IPP: variants seen among roughly 807,000 people sequenced by gnomAD.
IPP encodes intracisternal A particle-promoted polypeptide.
Under a neutral mutation model 64.1 loss-of-function variants are expected in IPP, and 41 were observed. The observed-to-expected ratio is 0.64, with a 90% CI of 0.50 to 0.83. The LOEUF (loss-of-function observed/expected upper bound fraction) is 0.83. IPP is among the 40% of genes least tolerant of loss of function. IPP has a pLI of 0.00. For synonymous variants in IPP, 214 were observed against 235.2 expected, an observed-to-expected ratio of 0.91 and a Z score of 0.83; for missense variants, 649 against 703.0, an observed-to-expected ratio of 0.92 and a Z score of 0.87.
At chr1:45,709,532 A>G (rs143751571) in intron 8 of IPP, among the ~76,000 whole-genome samples, 7 of 151,434 alleles carry the variant, frequency 4.6e-5, no homozygotes, top group Non-Finnish European at 1.0e-4. Context: ...TAGAAATAGT[A>G]AACATATGGG....
chr1:45,712,425 T>C (rs1356811123), intron 8 of IPP, among the ~76,000 whole-genome samples: 2 of 151,860 alleles, frequency 1.3e-5, no homozygotes, highest in African/African-American at 4.8e-5. Context: ...ATACAAAATA[T>C]GTTTTCTGAT....
At chr1:45,700,256 A>C in intron 8 of IPP, 66 bp from the exon 9 acceptor site, 1 of 1,533,536 alleles carries the variant, frequency 6.5e-7, no homozygotes, top group East Asian at 2.3e-5. Flanking sequence ...AAATCCACTG[A>C]GAAATTCGAT....
intron 5 of IPP, among the ~76,000 whole-genome samples, chr1:45,722,398 A>C (rs1206581823): frequency 2.0e-5 from 3 of 151,660 alleles, no homozygotes; most frequent in African/African-American, 7.3e-5. Flanking sequence ...TAAAAATACA[A>C]AAATTAGCCA....
intron 8 of IPP, among the ~76,000 whole-genome samples, chr1:45,708,758 G>A (rs1010837956): frequency 4.7e-5 from 7 of 149,386 alleles, no homozygotes; most frequent in East Asian, 2.0e-4. Flanking sequence ...GAGTCTGAAC[G>A]CGGTGGCTCA....
chr1:45,737,042 C>CAAAAAAAA (rs367755391), intron 3 of IPP, among the ~76,000 whole-genome samples: 1 of 112,758 alleles, frequency 8.9e-6, no homozygotes, highest in Non-Finnish European at 1.7e-5. Context: ...GACTCCATCT[C>CAAAAAAAA]AAAAAAAAAA....
In IPP at chr1:45,719,289, G is replaced by A. The variant is rs1308028296; in HGVS notation, c.1100C>T (p.Thr367Ile). Residue 367 changes from threonine (T) to isoleucine (I), a missense_variant, in exon 6 of 9, where the codon ACT (threonine) becomes ATT (isoleucine). Physicochemically the swap from Thr to Ile is moderately conservative, Grantham distance 89. Transcript: ENST00000396478. ...FDCTECYDPVTKQWTTVASMN... is the reference protein window; with the variant it reads ...FDCTECYDPVIKQWTTVASMN... ...CGAAGCTACAGTTGTCCACTGTTTAGTAACTGGATCATAGCATTCAGTACA... is the reference window on the plus strand; with the variant it reads ...CGAAGCTACAGTTGTCCACTGTTTAATAACTGGATCATAGCATTCAGTACA... The A allele has an allele frequency of 6.2e-7, 1 of 1,611,868 alleles. No homozygotes were observed. The highest frequency in any genetic ancestry group is 8.5e-7 in the Non-Finnish European group (1 of 1,178,284).
chr1:45,708,147 C>A (rs939042984), intron 8 of IPP, among the ~76,000 whole-genome samples: 1 of 151,374 alleles, frequency 6.6e-6, no homozygotes, highest in African/African-American at 2.4e-5. Context: ...TCACTGCAAG[C>A]TCCACCTCCC....
At chr1:45,733,811 G>A (rs1645942399) in intron 3 of IPP, among the ~76,000 whole-genome samples, 1 of 150,886 alleles carries the variant, frequency 6.6e-6, no homozygotes, top group Non-Finnish European at 1.5e-5. Context: ...CAGCCTGGGA[G>A]ACAGAGTAAG....
chr1:45,734,731 T>A (rs1473586949), intron 3 of IPP, among the ~76,000 whole-genome samples: 1 of 152,126 alleles, frequency 6.6e-6, no homozygotes, highest in East Asian at 1.9e-4. Flanking sequence ...GCAATTCTCC[T>A]GCCTCAGCTT....
Position 45,719,333 on chromosome 1 carries a change from C to T in IPP, c.1056G>A (p.Lys352=), listed in dbSNP as rs1645701902. The part of the protein sequence containing the change: ...GGMVYAIGGE[K]DSMIFDCTEC... ...CAGTACAATCAAAAATCATTGAATCCTTTTCACCTGAGTTAAATAAAAGAG... is the reference window on the plus strand; with the variant it reads ...CAGTACAATCAAAAATCATTGAATCTTTTTCACCTGAGTTAAATAAAAGAG... The change falls in exon 6 of 9, where the codon AAG becomes AAA. Residue 352 remains lysine, a synonymous_variant. Coordinates refer to ENST00000396478, the MANE Select transcript of IPP (RefSeq NM_005897.3). 1 of 1,590,754 alleles carries T rather than the reference C, an allele frequency of 6.3e-7. No individual in the cohort carries two copies. The highest frequency in any genetic ancestry group is 1.8e-5 in the Admixed American group (1 of 55,582).
At chr1:45,744,204 T>G (rs560823759) in intron 2 of IPP, among the ~76,000 whole-genome samples, 2 of 152,276 alleles carry the variant, frequency 1.3e-5, no homozygotes, top group East Asian at 3.9e-4. Context: ...CAGGCTGGAG[T>G]GCAGTAGCAT....
At chr1:45,706,864 C>T (rs1360385336) in intron 8 of IPP, among the ~76,000 whole-genome samples, 1 of 152,176 alleles carries the variant, frequency 6.6e-6, no homozygotes, top group Non-Finnish European at 1.5e-5. Flanking sequence ...TACTCAGCAG[C>T]ATAATATTTA....
In IPP at chr1:45,702,769, A is replaced by G. The variant is rs140231418; in HGVS notation, c.1531-2579T>C. Among the ~76,000 whole-genome samples, 887 of 152,210 alleles carry G rather than the reference A, an allele frequency of 5.8e-3. 5 individuals carry two copies. The highest frequency in any genetic ancestry group is 0.021 in the South Asian group (103 of 4,816). On this transcript the variant is annotated intron_variant, in intron 8 of 8. Transcript: ENST00000396478. Reference sequence around the variant, plus strand: ...TGCACCCGACCATTAACAATTATTGATAAGACTTAATTTGAAACTAAAATC... The same window carrying G: ...TGCACCCGACCATTAACAATTATTGGTAAGACTTAATTTGAAACTAAAATC...
chr1:45,708,046 G>C (rs570442566), intron 8 of IPP, among the ~76,000 whole-genome samples: 1 of 151,668 alleles, frequency 6.6e-6, no homozygotes, highest in Non-Finnish European at 1.5e-5. Flanking sequence ...ACATCTTCAG[G>C]GTGATTATTT....
Position 45,741,333 on chromosome 1 carries a change from C to G in IPP, c.293-1G>C. 1 of 1,580,722 alleles carries G rather than the reference C, an allele frequency of 6.3e-7. No homozygotes were observed. The highest frequency in any genetic ancestry group is 8.6e-7 in the Non-Finnish European group (1 of 1,161,544). On this transcript the variant is annotated splice_acceptor_variant, in intron 2 of 8. Coordinates refer to ENST00000396478, the MANE Select transcript of IPP (RefSeq NM_005897.3). LOFTEE classifies it high-confidence loss of function. ...TTATTCACACCTATGTTCACTATAC[C>G]TAGAGAAGTAGGAAGACAAAATGGC...
chr1:45,704,808 G>C (rs1467246334), intron 8 of IPP, among the ~76,000 whole-genome samples: 1 of 152,142 alleles, frequency 6.6e-6, no homozygotes, highest in Non-Finnish European at 1.5e-5. Flanking sequence ...CTGAAACAGG[G>C]AAGAGGCGAA....
downstream of IPP, chr1:45,694,497 A>G (rs775472867): frequency 1.8e-5 from 27 of 1,540,844 alleles, no homozygotes; most frequent in South Asian, 3.2e-4. Context: ...CAAGCGGAAA[A>G]CCTCGTATCT....
At chr1:45,724,759 G>A (rs1423858285) in intron 5 of IPP, among the ~76,000 whole-genome samples, 1 of 151,204 alleles carries the variant, frequency 6.6e-6, no homozygotes, top group Non-Finnish European at 1.5e-5. Context: ...CCCCGTCTAA[G>A]AAGTGAGGAG....
intron 3 of IPP, among the ~76,000 whole-genome samples, chr1:45,736,174 T>C (rs1645979239): frequency 6.6e-6 from 1 of 151,942 alleles, no homozygotes; most frequent in Non-Finnish European, 1.5e-5. Context: ...CCCAGGCTAG[T>C]CTCAAACTCC....
Sources: allele counts gnomAD v4.1 joint callset (sites outside exome capture counted in the v4.1 genomes callset), GRCh38; gene constraint gnomAD v4.1.1; transcripts MANE v1.5; gene names NCBI Gene and HGNC (gene_info 2026-07-23, HGNC 2026-07-21).